STAU2: variants seen among roughly 807,000 people sequenced by gnomAD.
The protein encoded by STAU2 is staufen double-stranded RNA binding protein 2, also known as double-stranded RNA-binding protein Staufen homolog 2.
Under a neutral mutation model 65.9 loss-of-function variants are expected in STAU2, and 20 were observed. That is an observed-to-expected ratio of 0.30 (90% CI 0.21 to 0.44). STAU2 has a LOEUF of 0.44. Ranked by LOEUF, STAU2 falls within the 20% of genes least tolerant of loss-of-function variation. The probability of loss-of-function intolerance (pLI) is 1.00; values close to 1 mark genes in which losing one functional copy is unlikely to be tolerated. For missense variants in STAU2, 558 were observed against 683.9 expected, an observed-to-expected ratio of 0.82 and a Z score of 2.05; for synonymous variants, 232 against 233.9, an observed-to-expected ratio of 0.99 and a Z score of 0.07.
intron 4 of STAU2, among the ~76,000 whole-genome samples, chr8:73,692,701 G>A (rs1305057826): frequency 6.6e-6 from 1 of 152,204 alleles, no homozygotes; most frequent in Non-Finnish European, 1.5e-5. Flanking sequence ...GTCATGTGAG[G>A]TGAGAGCAGT....
At chr8:73,572,849 G>GC (rs1368527050) in intron 12 of STAU2, among the ~76,000 whole-genome samples, 2 of 152,166 alleles carry the variant, frequency 1.3e-5, no homozygotes, top group East Asian at 3.8e-4. Flanking sequence ...AGACAGGGAT[G>GC]CCCTCTCTCA....
chr8:73,538,476 A>G (rs1806323794), intron 13 of STAU2, among the ~76,000 whole-genome samples: 1 of 152,094 alleles, frequency 6.6e-6, no homozygotes, highest in African/African-American at 2.4e-5. Context: ...TCAATCAATG[A>G]AAGAAGGGAA....
intron 6 of STAU2, among the ~76,000 whole-genome samples, chr8:73,660,533 A>G (rs1185856856): frequency 3.3e-5 from 5 of 152,254 alleles, no homozygotes; most frequent in African/African-American, 1.2e-4. Flanking sequence ...TGTATTACCA[A>G]GTTATTAGTA....
chr8:73,641,361 C>T (rs1373529875), intron 6 of STAU2, among the ~76,000 whole-genome samples: 2 of 151,422 alleles, frequency 1.3e-5, no homozygotes, highest in African/African-American at 2.4e-5. Context: ...CCCTGTCCTC[C>T]TACCCTTGCA....
chr8:73,466,428 A>T (rs928703943), intron 13 of STAU2, among the ~76,000 whole-genome samples: 2 of 152,196 alleles, frequency 1.3e-5, no homozygotes, highest in African/African-American at 2.4e-5. Context: ...GAGAGGATGA[A>T]GGTTTCTAGG....
At position 73,513,338 on chromosome 8, in the gene STAU2, T is replaced by C. The variant is rs982097473; in HGVS notation, c.1530+38674A>G. On this transcript the variant is annotated intron_variant, in intron 13 of 14. Transcript: ENST00000524300. The stretch of plus-strand genomic sequence containing the variant: ...CTTAGGGGTCACTCCCATGTCTGCA[T>C]AGCTTAGTGGTCAGCCAGTAATTAG... 5.9e-5 allele frequency among the ~76,000 whole-genome samples: 9 copies of C among 152,226 alleles called. No homozygotes were observed. In the South Asian group the frequency reaches 1.7e-3, roughly 28 times the overall value.
intron 13 of STAU2, among the ~76,000 whole-genome samples, chr8:73,536,630 T>C (rs1231839742): frequency 1.3e-5 from 2 of 152,152 alleles, no homozygotes; most frequent in South Asian, 4.1e-4. Flanking sequence ...GACAGTCACC[T>C]ATACCTAGTG....
At chr8:73,560,206 G>A (rs28705702) in intron 12 of STAU2, among the ~76,000 whole-genome samples, 1,679 of 150,138 alleles carry the variant, frequency 0.011, 17 homozygotes, top group African/African-American at 0.027. Flanking sequence ...TCAGCCTCCC[G>A]AGTAGCTGGG....
chr8:73,693,246 G>A (rs1324171055), intron 4 of STAU2, among the ~76,000 whole-genome samples: 1 of 152,162 alleles, frequency 6.6e-6, no homozygotes, highest in Non-Finnish European at 1.5e-5. Context: ...GGCCGAGGCG[G>A]GCGGATCACG....
At chr8:73,542,454 G>A (rs1042086701) in intron 13 of STAU2, among the ~76,000 whole-genome samples, 1 of 152,064 alleles carries the variant, frequency 6.6e-6, no homozygotes, top group Non-Finnish European at 1.5e-5. Context: ...AGACTAAGAA[G>A]GCATAAACCT....
chr8:73,472,162 TGAG>T (rs1820071926), intron 13 of STAU2, among the ~76,000 whole-genome samples: 1 of 152,050 alleles, frequency 6.6e-6, no homozygotes, highest in Admixed American at 6.5e-5. Context: ...TGTCAAAACA[TGAG>T]AAGAAAAACT....
intron 12 of STAU2, among the ~76,000 whole-genome samples, chr8:73,569,623 G>A (rs147866776): frequency 2.0e-5 from 3 of 151,960 alleles, no homozygotes; most frequent in African/African-American, 4.8e-5. Flanking sequence ...CCACAGGAAC[G>A]ATCAGGCAGC....
intron 5 of STAU2, among the ~76,000 whole-genome samples, chr8:73,682,617 TG>T (rs1415981412): frequency 6.6e-6 from 1 of 151,480 alleles, no homozygotes; most frequent in Non-Finnish European, 1.5e-5. Context: ...ATAACAAAGA[TG>T]AGAGCAGAAC....
chr8:73,703,505 T>C (rs1485688371), intron 4 of STAU2, among the ~76,000 whole-genome samples: 2 of 152,242 alleles, frequency 1.3e-5, no homozygotes, highest in Non-Finnish European at 2.9e-5. Flanking sequence ...GACTTGTATA[T>C]AGATGTTCAA....
At chr8:73,506,245 C>T (rs1563391413) in intron 13 of STAU2, among the ~76,000 whole-genome samples, 1 of 152,132 alleles carries the variant, frequency 6.6e-6, no homozygotes, top group Non-Finnish European at 1.5e-5. Context: ...ATTTTCATCA[C>T]CACAAAAGTT....
At chr8:73,720,438 T>A (rs184204848) in intron 3 of STAU2, among the ~76,000 whole-genome samples, 1 of 151,862 alleles carries the variant, frequency 6.6e-6, no homozygotes, top group Admixed American at 6.6e-5. Flanking sequence ...TCTCCCTAAA[T>A]ACTGTTTTAG....
chr8:73,649,548 G>T (rs1440408161), intron 6 of STAU2, among the ~76,000 whole-genome samples: 3 of 151,958 alleles, frequency 2.0e-5, no homozygotes, highest in African/African-American at 7.2e-5. Context: ...CTTCTCTGAA[G>T]AATTTATTCT....
intron 14 of STAU2, 110 bp from the exon 15 acceptor site, chr8:73,421,575 T>C: frequency 1.0e-6 from 1 of 984,350 alleles, no homozygotes. Context: ...AAAGTGACAT[T>C]TTAAAGTGAA....
At chr8:73,518,942 A>T (rs1719833460) in intron 13 of STAU2, among the ~76,000 whole-genome samples, 1 of 152,240 alleles carries the variant, frequency 6.6e-6, no homozygotes, top group Admixed American at 6.5e-5. Context: ...TATTTAAAAA[A>T]ATCAACAAAT....
Sources: gnomAD v4.1 joint callset for allele counts (sites outside exome capture counted in the v4.1 genomes callset) on GRCh38, gnomAD v4.1.1 for gene constraint, MANE v1.5 for transcripts, NCBI Gene and HGNC (gene_info 2026-07-23, HGNC 2026-07-21) for gene names.